The following VOPP1 variants were observed in gnomAD, a reference collection of about 807,000 sequenced individuals.
The protein encoded by VOPP1 is VOPP1 WW domain binding protein, also known as WW domain binding protein VOPP1.
A neutral mutation model predicts 23.5 loss-of-function variants in VOPP1; 8 were observed. That is an observed-to-expected ratio of 0.34 (90% CI 0.20 to 0.61). The LOEUF (loss-of-function observed/expected upper bound fraction) is 0.61. Ranked by LOEUF, VOPP1 falls within the 20% of genes least tolerant of loss-of-function variation. The pLI, the probability that VOPP1 is intolerant of heterozygous loss-of-function variation, is 0.78. For missense variants in VOPP1, 174 were observed against 238.1 expected, an observed-to-expected ratio of 0.73 and a Z score of 1.77; for synonymous variants, 83 against 97.3, an observed-to-expected ratio of 0.85 and a Z score of 0.86.
downstream of VOPP1, among the ~76,000 whole-genome samples, chr7:55,469,479 A>T (rs6973769): frequency 0.31 from 47,222 of 152,102 alleles, 7,860 homozygotes; most frequent in Non-Finnish European, 0.38. Flanking sequence ...AAAATATATT[A>T]AAAAAATCAA....
downstream of VOPP1, among the ~76,000 whole-genome samples, chr7:55,470,421 A>G (rs1441657701): frequency 6.6e-6 from 1 of 152,094 alleles, no homozygotes; most frequent in Non-Finnish European, 1.5e-5. Flanking sequence ...CTTCCTACCC[A>G]CTGGGGACAA....
intron 1 of VOPP1, among the ~76,000 whole-genome samples, chr7:55,544,752 C>T (rs1378734493): frequency 2.0e-5 from 3 of 152,150 alleles, no homozygotes; most frequent in Non-Finnish European, 2.9e-5. Context: ...CTCAAGCAAA[C>T]ATCTGAAATA....
chr7:55,571,902 A>C, intron 1 of VOPP1: 2 of 189,212 alleles, frequency 1.1e-5, no homozygotes, highest in Admixed American at 6.2e-5. Context: ...GCGCCCGAGG[A>C]CCACCCCCGC....
At chr7:55,497,543 G>GACA (rs1292416571) in intron 3 of VOPP1, 70 bp downstream of exon 3, 2 of 1,380,318 alleles carry the variant, frequency 1.4e-6, no homozygotes, top group Non-Finnish European at 2.0e-6. Context: ...CCAAGGCTGT[G>GACA]ACAACACTGA....
chr7:55,569,280 T>C (rs973080670), intron 1 of VOPP1, among the ~76,000 whole-genome samples: 2 of 152,196 alleles, frequency 1.3e-5, no homozygotes, highest in Non-Finnish European at 2.9e-5. Flanking sequence ...AGAGTCCTGG[T>C]GATGCCCACT....
intron 2 of VOPP1, among the ~76,000 whole-genome samples, chr7:55,512,306 A>G (rs1795123883): frequency 6.6e-6 from 1 of 152,054 alleles, no homozygotes; most frequent in African/African-American, 2.4e-5. Flanking sequence ...CGTGCCTGTA[A>G]TCCCAGCTAC....
intron 2 of VOPP1, among the ~76,000 whole-genome samples, chr7:55,506,702 G>A (rs561203264): frequency 2.6e-5 from 4 of 151,772 alleles, no homozygotes; most frequent in Non-Finnish European, 4.4e-5. Context: ...TCAATGGTGC[G>A]ATCTTGGTTC....
chr7:55,521,578 T>C (rs1795859866), intron 1 of VOPP1: 2 of 988,306 alleles, frequency 2.0e-6, no homozygotes, highest in Non-Finnish European at 2.4e-6. Flanking sequence ...CATTCCGACC[T>C]ACGTCTGCAA....
intron 4 of VOPP1, among the ~76,000 whole-genome samples, chr7:55,481,678 T>C (rs947872229): frequency 6.6e-6 from 1 of 152,202 alleles, no homozygotes; most frequent in Non-Finnish European, 1.5e-5. Flanking sequence ...TTTACAGACA[T>C]CTACAAACTG....
At chr7:55,533,133 C>A (rs1229488232) in intron 1 of VOPP1, among the ~76,000 whole-genome samples, 2 of 152,202 alleles carry the variant, frequency 1.3e-5, no homozygotes, top group Non-Finnish European at 2.9e-5. Flanking sequence ...AGTTCTGTCT[C>A]TCTCCTGAAC....
intron 3 of VOPP1, 58 bp from the exon 4 acceptor site, chr7:55,492,476 C>T: frequency 6.5e-7 from 1 of 1,537,276 alleles, no homozygotes; most frequent in Non-Finnish European, 8.8e-7. Context: ...GAGGGCTTGG[C>T]CCTACAGCTC....
At position 55,572,193 on chromosome 7, in the gene VOPP1, C is replaced by A. The variant is rs1798388192; in HGVS notation, c.54+78G>T. On this transcript the variant is annotated intron_variant, in intron 1 of 4. Coordinates refer to ENST00000285279, the MANE Select transcript of VOPP1 (RefSeq NM_030796.5). ...CGCTCCCAGGCAAGGTCCTCTGGGG[C>A]GCCTCGGAACTGCGCGCCCCCAGCC... The A allele has an allele frequency of 2.4e-6, 3 of 1,242,412 alleles. No homozygotes were observed. The South Asian group carries it at 4.1e-5, about 17-fold the overall frequency. 77.0% of individuals were successfully genotyped at this position (1,242,412 alleles called of 1,614,324 possible).
chr7:55,480,042 T>A (rs1792587058), intron 4 of VOPP1, among the ~76,000 whole-genome samples: 1 of 152,244 alleles, frequency 6.6e-6, no homozygotes, highest in Non-Finnish European at 1.5e-5. Flanking sequence ...TGGTTTACTA[T>A]TTTGACACAT....
intron 3 of VOPP1, among the ~76,000 whole-genome samples, chr7:55,494,650 A>G (rs1033686450): frequency 6.6e-6 from 1 of 152,178 alleles, no homozygotes; most frequent in Admixed American, 6.5e-5. Flanking sequence ...ATTTATTTAA[A>G]ATAATTTTTG....
intron 1 of VOPP1, among the ~76,000 whole-genome samples, chr7:55,544,561 T>C (rs1408166378): frequency 1.3e-5 from 2 of 152,238 alleles, no homozygotes; most frequent in Non-Finnish European, 2.9e-5. Flanking sequence ...TGAAAACTTC[T>C]TTTTGGGTCT....
intron 2 of VOPP1, among the ~76,000 whole-genome samples, chr7:55,520,603 T>C (rs542951333): frequency 1.2e-4 from 18 of 152,300 alleles, no homozygotes; most frequent in Admixed American, 4.6e-4. Context: ...TGACAGCAGC[T>C]CTCTGGCGAG....
At chr7:55,490,020 G>C (rs1042541810) in intron 4 of VOPP1, among the ~76,000 whole-genome samples, 2 of 152,082 alleles carry the variant, frequency 1.3e-5, no homozygotes, top group African/African-American at 2.4e-5. Context: ...TGCAGGACTA[G>C]AGAGAGGAGG....
At chr7:55,476,599 C>T (rs1425270604) in intron 4 of VOPP1, among the ~76,000 whole-genome samples, 1 of 152,160 alleles carries the variant, frequency 6.6e-6, no homozygotes, top group Non-Finnish European at 1.5e-5. Flanking sequence ...TGACAGCGTT[C>T]CAGTTACACC....
chr7:55,514,185 C>T (rs1449542194), intron 2 of VOPP1, among the ~76,000 whole-genome samples: 2 of 152,238 alleles, frequency 1.3e-5, no homozygotes, highest in Non-Finnish European at 2.9e-5. Context: ...GCAGGCTGGA[C>T]CCTTAATGAG....
Sources: allele counts gnomAD v4.1 joint callset (sites outside exome capture counted in the v4.1 genomes callset), GRCh38; gene constraint gnomAD v4.1.1; transcripts MANE v1.5; gene names NCBI Gene and HGNC (gene_info 2026-07-23, HGNC 2026-07-21).